Variants in KAZN observed in about 807,000 individuals in gnomAD.
KAZN encodes kazrin, periplakin interacting protein.
In KAZN, 40 loss-of-function variants were observed where a neutral mutation model predicts 87.4. The observed-to-expected ratio is 0.46, with a 90% CI of 0.36 to 0.60. The LOEUF is 0.60. Among genes scored for constraint, KAZN ranks in the 20% least tolerant of loss-of-function variants. The pLI, the probability that KAZN is intolerant of heterozygous loss-of-function variation, is 0.00. For synonymous variants in KAZN, 466 were observed against 458.3 expected (o/e 1.02, Z -0.22); for missense variants, 898 against 1,073.9 (o/e 0.84, Z 2.29).
At chr1:13,992,246 T>G (rs1639315085) in intron 1 of KAZN, among the ~76,000 whole-genome samples, 1 of 152,204 alleles carries the variant, frequency 6.6e-6, no homozygotes, top group Admixed American at 6.5e-5. Context: ...AGCACGTCAC[T>G]TTATGTAGTA....
At chr1:14,866,668 A>AGT (rs1651492546) in intron 1 of KAZN, among the ~76,000 whole-genome samples, 1 of 152,210 alleles carries the variant, frequency 6.6e-6, no homozygotes, top group African/African-American at 2.4e-5. Context: ...TTGAGGCTGC[A>AGT]GTGAGCTGTG....
chr1:14,777,154 AT>A (rs55767259), intron 1 of KAZN, among the ~76,000 whole-genome samples: 49 of 67,828 alleles, frequency 7.2e-4, no homozygotes, highest in Middle Eastern at 8.1e-3. Flanking sequence ...CACCCAGCTA[AT>A]TTTTTTTTTT....
At chr1:14,774,081 A>G (rs1435091816) in intron 1 of KAZN, among the ~76,000 whole-genome samples, 2 of 152,146 alleles carry the variant, frequency 1.3e-5, no homozygotes, top group African/African-American at 2.4e-5. Context: ...AAGACCCCAC[A>G]TGCTTTCTTT....
At chr1:14,621,594 C>T (rs1285465694) in intron 1 of KAZN, among the ~76,000 whole-genome samples, 2 of 152,148 alleles carry the variant, frequency 1.3e-5, no homozygotes, top group East Asian at 1.9e-4. Flanking sequence ...TTTGGCTGTG[C>T]CCCACCCAAA....
intron 1 of KAZN, among the ~76,000 whole-genome samples, chr1:14,602,226 C>G (rs1002331787): frequency 3.9e-5 from 6 of 152,174 alleles, no homozygotes; most frequent in African/African-American, 1.4e-4. Context: ...GTAACAGAAT[C>G]TAGAAAGTGA....
intron 1 of KAZN, among the ~76,000 whole-genome samples, chr1:14,049,463 T>G (rs1642218104): frequency 6.6e-6 from 1 of 152,112 alleles, no homozygotes; most frequent in African/African-American, 2.4e-5. Context: ...ACTTAAAGTA[T>G]AATTAAAACA....
chr1:14,916,757 T>A (rs541115699), intron 1 of KAZN, among the ~76,000 whole-genome samples: 19 of 151,690 alleles, frequency 1.3e-4, no homozygotes, highest in Non-Finnish European at 2.4e-4. Context: ...ACAAAAAAAA[T>A]TAAAAATTAG....
intron 1 of KAZN, among the ~76,000 whole-genome samples, chr1:14,917,746 T>C (rs1291773134): frequency 1.3e-5 from 2 of 152,204 alleles, no homozygotes; most frequent in South Asian, 2.1e-4. Context: ...ACTCACTGGG[T>C]GGGCAGCTTC....
intron 2 of KAZN, among the ~76,000 whole-genome samples, chr1:14,446,518 A>G (rs1571668822): frequency 6.6e-6 from 1 of 152,282 alleles, no homozygotes; most frequent in African/African-American, 2.4e-5. Flanking sequence ...TCAATTGGGA[A>G]AAATCTCCTC....
At chr1:14,388,995 T>C (rs1662191304) in intron 2 of KAZN, among the ~76,000 whole-genome samples, 2 of 151,492 alleles carry the variant, frequency 1.3e-5, no homozygotes, top group African/African-American at 4.9e-5. Flanking sequence ...CTCAAACAAC[T>C]CTACAGGAAA....
intron 2 of KAZN, among the ~76,000 whole-genome samples, chr1:14,520,675 C>T (rs1004831900): frequency 6.6e-6 from 1 of 152,182 alleles, no homozygotes; most frequent in Non-Finnish European, 1.5e-5. Flanking sequence ...GAAGCAGCCA[C>T]CTCTGGGAAT....
chr1:14,049,108 A>T (rs1642198700), intron 1 of KAZN, among the ~76,000 whole-genome samples: 1 of 152,196 alleles, frequency 6.6e-6, no homozygotes, highest in African/African-American at 2.4e-5. Flanking sequence ...AATGTGGCAC[A>T]TATACAACAT....
chr1:14,031,630 A>G (rs1346158498), intron 1 of KAZN, among the ~76,000 whole-genome samples: 2 of 152,220 alleles, frequency 1.3e-5, no homozygotes, highest in Non-Finnish European at 2.9e-5. Context: ...GATTCTTGCC[A>G]CAGGATTTGA....
chr1:14,895,017 T>G (rs1158170839), intron 1 of KAZN, among the ~76,000 whole-genome samples: 1 of 152,256 alleles, frequency 6.6e-6, no homozygotes, highest in Non-Finnish European at 1.5e-5. Flanking sequence ...AATATTATGA[T>G]GCAGCCTGCT....
intron 2 of KAZN, among the ~76,000 whole-genome samples, chr1:14,324,438 C>T (rs1248998740): frequency 2.0e-5 from 3 of 152,168 alleles, no homozygotes; most frequent in Non-Finnish European, 4.4e-5. Context: ...CCACAAAGTG[C>T]TTACTCAGGG....
intron 1 of KAZN, among the ~76,000 whole-genome samples, chr1:14,129,787 G>A (rs1215624742): frequency 1.3e-5 from 2 of 151,848 alleles, no homozygotes; most frequent in African/African-American, 4.8e-5. Flanking sequence ...GCGAGTGAGC[G>A]AGAGAGAGAG....
At chr1:14,968,358 T>C (rs1226242321) in intron 2 of KAZN, among the ~76,000 whole-genome samples, 2 of 152,034 alleles carry the variant, frequency 1.3e-5, no homozygotes, top group Non-Finnish European at 2.9e-5. Flanking sequence ...CAGCTGTAAA[T>C]ACAGATGAAA....
chr1:14,341,794 T>G (rs1448793949), intron 2 of KAZN, among the ~76,000 whole-genome samples: 1 of 152,190 alleles, frequency 6.6e-6, no homozygotes, highest in Non-Finnish European at 1.5e-5. Flanking sequence ...AAGCTGTTTT[T>G]GTTGTTGTTT....
intron 1 of KAZN, among the ~76,000 whole-genome samples, chr1:14,833,029 TAATG>T (rs928784366): frequency 1.2e-4 from 19 of 152,246 alleles, no homozygotes; most frequent in South Asian, 2.1e-4. Flanking sequence ...TAAAAATTGA[TAATG>T]AATAATTTAC....
Sources: allele counts gnomAD v4.1 joint callset (sites outside exome capture counted in the v4.1 genomes callset), GRCh38; gene constraint gnomAD v4.1.1; transcripts MANE v1.5; gene names NCBI Gene and HGNC (gene_info 2026-07-23, HGNC 2026-07-21).